The following AUTS2 variants were observed in gnomAD, a reference collection of about 807,000 sequenced individuals.
The protein encoded by AUTS2 is autism susceptibility gene 2 protein.
Under a neutral mutation model 112.4 loss-of-function variants are expected in AUTS2, and 17 were observed. That is an observed-to-expected ratio of 0.15 (90% CI 0.10 to 0.23). The LOEUF is 0.23. Ranked by LOEUF, AUTS2 falls within the 10% of genes least tolerant of loss-of-function variation. The probability of loss-of-function intolerance (pLI) is 1.00; values close to 1 mark genes in which losing one functional copy is unlikely to be tolerated. For synonymous variants in AUTS2, 751 were observed against 702.7 expected (o/e 1.07, Z -1.09); for missense variants, 1,510 against 1,701.6 (o/e 0.89, Z 1.98).
At chr7:70,408,748 GC>G (rs1794649846) in intron 4 of AUTS2, among the ~76,000 whole-genome samples, 1 of 152,220 alleles carries the variant, frequency 6.6e-6, no homozygotes, top group South Asian at 2.1e-4. Flanking sequence ...GTAGTTAGGA[GC>G]TGTGTACTAT....
At chr7:69,950,049 A>G (rs1386923301) in intron 2 of AUTS2, among the ~76,000 whole-genome samples, 1 of 152,172 alleles carries the variant, frequency 6.6e-6, no homozygotes, top group African/African-American at 2.4e-5. Flanking sequence ...CATTCCTACA[A>G]GAGATCAATT....
At chr7:70,375,215 A>G (rs989754603) in intron 4 of AUTS2, among the ~76,000 whole-genome samples, 1 of 152,202 alleles carries the variant, frequency 6.6e-6, no homozygotes, top group Non-Finnish European at 1.5e-5. Context: ...TATATGATAG[A>G]GATTTTTTTC....
intron 5 of AUTS2, among the ~76,000 whole-genome samples, chr7:70,683,000 T>C (rs1808287067): frequency 6.6e-6 from 1 of 152,226 alleles, no homozygotes; most frequent in African/African-American, 2.4e-5. Context: ...CTCCAGCATA[T>C]CACTTCCTCC....
Position 70,055,159 on chromosome 7 carries a change from G to A in AUTS2, c.523-62973G>A, listed in dbSNP as rs78700530. Among the ~76,000 whole-genome samples the A allele has an allele frequency of 2.0e-4, 30 of 152,246 alleles. No individual in the cohort carries two copies. The East Asian group carries it at 5.6e-3, about 28-fold the overall frequency. ...TATTTAAAAAAAAATTCTAGGCTGG[G>A]CACGGTGGCTCACTTCTGTAATGCC... On this transcript the variant is annotated intron_variant, in intron 2 of 18. Coordinates refer to ENST00000342771, the MANE Select transcript of AUTS2 (RefSeq NM_015570.4).
intron 1 of AUTS2, among the ~76,000 whole-genome samples, chr7:69,887,166 C>T (rs1047710032): frequency 5.3e-5 from 8 of 152,148 alleles, no homozygotes; most frequent in Admixed American, 1.3e-4. Context: ...GTAATCCCAG[C>T]ACTTTGGGAA....
rs540719021 is a variant in AUTS2 at position 69,962,940 on chromosome 7, C to G, written c.522+63442C>G. 8.5e-5 allele frequency among the ~76,000 whole-genome samples: 13 copies of G among 152,164 alleles called. No individual in the cohort carries two copies. In the South Asian group the frequency reaches 2.7e-3, roughly 32 times the overall value. On this transcript the variant is annotated intron_variant, in intron 2 of 18. Coordinates refer to ENST00000342771, the MANE Select transcript of AUTS2 (RefSeq NM_015570.4). The stretch of plus-strand genomic sequence containing the variant: ...GAGAAAAGGGAAAGTCCTTGAGCAC[C>G]CATCATACCTCTTCAGACTCTCTTA...
At chr7:69,996,899 C>G (rs1798967029) in intron 2 of AUTS2, among the ~76,000 whole-genome samples, 1 of 144,794 alleles carries the variant, frequency 6.9e-6, no homozygotes, top group South Asian at 2.2e-4. Flanking sequence ...GAATCTCAAT[C>G]TTGGGTTTTC....
intron 1 of AUTS2, among the ~76,000 whole-genome samples, chr7:69,802,390 T>G (rs1790123972): frequency 6.6e-6 from 1 of 152,218 alleles, no homozygotes. Flanking sequence ...TTAAGTAGTT[T>G]ATGCAGTCTT....
intron 4 of AUTS2, among the ~76,000 whole-genome samples, chr7:70,421,838 A>C (rs778717201): frequency 6.6e-6 from 1 of 152,232 alleles, no homozygotes. Context: ...TGGATACCAA[A>C]TTACTGCATA....
chr7:70,053,544 G>GTTTTTTTTTTGTTTTTTTTTTTT (rs1801851648), intron 2 of AUTS2, among the ~76,000 whole-genome samples: 1 of 127,848 alleles, frequency 7.8e-6, no homozygotes, highest in African/African-American at 3.1e-5. Context: ...GTTTTGGGTG[G>GTTTTTTTTTTGTTTTTTTTTTTT]TTTTTTTTTT....
chr7:69,746,403 T>C (rs1286020974), intron 1 of AUTS2, among the ~76,000 whole-genome samples: 1 of 152,140 alleles, frequency 6.6e-6, no homozygotes, highest in Non-Finnish European at 1.5e-5. Context: ...AAATATTTGG[T>C]ATCTCTGATG....
At chr7:69,612,923 GACA>G (rs1244388703) in intron 1 of AUTS2, among the ~76,000 whole-genome samples, 4 of 152,138 alleles carry the variant, frequency 2.6e-5, no homozygotes, top group Non-Finnish European at 5.9e-5. Flanking sequence ...ATTTACAGTT[GACA>G]ACAATTCCAT....
intron 4 of AUTS2, among the ~76,000 whole-genome samples, chr7:70,405,698 G>T (rs912431166): frequency 1.3e-5 from 2 of 152,176 alleles, no homozygotes; most frequent in Non-Finnish European, 2.9e-5. Flanking sequence ...AAAATAAATA[G>T]ACAGAATGGA....
intron 1 of AUTS2, among the ~76,000 whole-genome samples, chr7:69,625,161 T>C (rs1793884992): frequency 6.6e-6 from 1 of 152,156 alleles, no homozygotes; most frequent in Non-Finnish European, 1.5e-5. Flanking sequence ...GACCTTTGTC[T>C]CTCCCCTTCA....
chr7:70,784,701 C>G (rs532838484), intron 15 of AUTS2: 3 of 520,596 alleles, frequency 5.8e-6, no homozygotes, highest in African/African-American at 4.3e-5. Context: ...TGGCCAGCCA[C>G]GCTGGGAAAG....
At chr7:70,338,104 GTAAT>G (rs1435716320) in intron 4 of AUTS2, among the ~76,000 whole-genome samples, 6 of 152,176 alleles carry the variant, frequency 3.9e-5, no homozygotes, top group Non-Finnish European at 8.8e-5. Context: ...TTTAATTGCA[GTAAT>G]TAAACTATAT....
intron 4 of AUTS2, among the ~76,000 whole-genome samples, chr7:70,253,174 T>C (rs1216484614): frequency 6.6e-6 from 1 of 152,200 alleles, no homozygotes; most frequent in African/African-American, 2.4e-5. Flanking sequence ...GATGTGCTCA[T>C]GTCATTGATT....
chr7:70,617,547 C>A (rs1804439420), intron 5 of AUTS2, among the ~76,000 whole-genome samples: 1 of 152,004 alleles, frequency 6.6e-6, no homozygotes, highest in East Asian at 1.9e-4. Context: ...CCTGTAGTCC[C>A]AGCTACTCAG....
At position 69,599,602 on chromosome 7, in the gene AUTS2, T is replaced by C; in HGVS notation, c.-52T>C. On this transcript the variant is annotated 5_prime_UTR_variant, in exon 1 of 19. Coordinates refer to ENST00000342771, the MANE Select transcript of AUTS2 (RefSeq NM_015570.4). This position sits in a 1 kb window ranked among gnomAD's most constrained non-coding sequence, Gnocchi z 7.0. ...CGGTGTCAATTTTTTTTTGTGTGGC[T>C]GCGGCCGTAGCCTGTGGCGGGCAAG... 2 of 1,250,882 alleles carry C rather than the reference T, an allele frequency of 1.6e-6. No individual in the cohort carries two copies. Among genetic ancestry groups the C allele is most frequent in the South Asian group, 3.6e-5 (1 of 27,834 alleles). The allele number at this position is 1,250,882 out of a possible 1,614,324, so 77.5% of individuals were successfully genotyped here.
Sources: gnomAD v4.1 joint callset for allele counts (sites outside exome capture counted in the v4.1 genomes callset) on GRCh38, gnomAD v4.1.1 for gene constraint, Gnocchi (gnomAD v3.1) non-coding constraint, MANE v1.5 for transcripts, NCBI Gene and HGNC (gene_info 2026-07-23, HGNC 2026-07-21) for gene names.